MEGF6: variants seen among roughly 807,000 people sequenced by gnomAD.
MEGF6 encodes multiple EGF like domains 6.
Under a neutral mutation model 207.1 loss-of-function variants are expected in MEGF6, and 184 were observed. The ratio of observed to expected loss-of-function variants is 0.89; its 90% confidence interval spans 0.79 to 1.00. MEGF6 has a LOEUF of 1.00. MEGF6 is among the 50% of genes least tolerant of loss of function. The pLI, the probability that MEGF6 is intolerant of heterozygous loss-of-function variation, is 0.00. For missense variants in MEGF6, 2,282 were observed against 2,202.9 expected, an observed-to-expected ratio of 1.04 and a Z score of -0.72; for synonymous variants, 1,038 against 910.0, an observed-to-expected ratio of 1.14 and a Z score of -2.53.
chr1:3,537,508 G>A (rs1642369295), intron 4 of MEGF6, among the ~76,000 whole-genome samples: 1 of 152,246 alleles, frequency 6.6e-6, no homozygotes, highest in African/African-American at 2.4e-5. Context: ...TGCCAGGCCA[G>A]GGGTGCTCCT....
At chr1:3,538,141 C>G (rs1209948381) in intron 4 of MEGF6, among the ~76,000 whole-genome samples, 1 of 152,246 alleles carries the variant, frequency 6.6e-6, no homozygotes, top group Non-Finnish European at 1.5e-5. Flanking sequence ...GCACGTGGAT[C>G]TGCCTGGCGG....
intron 3 of MEGF6, among the ~76,000 whole-genome samples, chr1:3,584,535 CAGA>C (rs1422263284): frequency 1.3e-5 from 2 of 152,216 alleles, no homozygotes; most frequent in African/African-American, 4.8e-5. Context: ...CAGAACCTTC[CAGA>C]AGAAGGAGCT....
At chr1:3,621,582 A>G in the MEGF6 span, among the ~76,000 whole-genome samples, 1 of 152,228 alleles carries the variant, frequency 6.6e-6, no homozygotes, top group Non-Finnish European at 1.5e-5. Context: ...ATATCTTATT[A>G]CACCGGAACA....
At chr1:3,613,156 C>T (rs954857491), upstream of MEGF6, among the ~76,000 whole-genome samples, 2 of 152,240 alleles carry the variant, frequency 1.3e-5, no homozygotes, top group African/African-American at 4.8e-5. Context: ...ATGCTCCAAA[C>T]ACTGCCCTAC....
At chr1:3,547,748 C>T (rs545703869) in intron 4 of MEGF6, among the ~76,000 whole-genome samples, 14 of 152,298 alleles carry the variant, frequency 9.2e-5, no homozygotes, top group East Asian at 5.8e-4. Flanking sequence ...TGCCCTAGCC[C>T]GCCCTCCGTC....
rs370711447 is a variant in MEGF6, at chr1:3,500,741, G to A, written c.2599C>T (p.Pro867Ser). 2.5e-6 allele frequency: 4 copies of A among 1,603,242 alleles called. No individual in the cohort carries two copies. The highest frequency in any genetic ancestry group is 3.4e-6 in the Non-Finnish European group (4 of 1,175,604). ...CAGTTGCAGGGGTGGCTGCAGTCAG[G>A]TCCCCAGTGCCCAGTATCACAGGCT... The part of the protein sequence containing the change: ...QRACDTGHWG[P>S]DCSHPCNCSA... Residue 867 changes from proline to serine, a missense_variant, in exon 21 of 37, where the codon CCT (proline) becomes TCT (serine). Pro to Ser is a moderately conservative substitution (Grantham distance 74). Transcript: ENST00000356575.
chr1:3,520,811 C>A (rs1240389742), intron 5 of MEGF6, among the ~76,000 whole-genome samples: 2 of 152,182 alleles, frequency 1.3e-5, no homozygotes, highest in African/African-American at 4.8e-5. Flanking sequence ...CCTTTCCTGG[C>A]CTCTCTCTGC....
At chr1:3,566,866 C>T (rs935369065) in intron 4 of MEGF6, among the ~76,000 whole-genome samples, 2 of 152,206 alleles carry the variant, frequency 1.3e-5, no homozygotes, top group Non-Finnish European at 2.9e-5. Flanking sequence ...TGCCTCTCTC[C>T]TCCAGCCTCA....
At chr1:3,576,712 T>C in intron 4 of MEGF6, among the ~76,000 whole-genome samples, 1 of 137,694 alleles carries the variant, frequency 7.3e-6, no homozygotes. Context: ...TCCTGTACAC[T>C]CAGTCCTGCA....
chr1:3,503,296 C>A (rs978818277), intron 17 of MEGF6, among the ~76,000 whole-genome samples: 3 of 152,200 alleles, frequency 2.0e-5, no homozygotes, highest in African/African-American at 7.2e-5. Flanking sequence ...CGTCAGGGAA[C>A]CCCCCTCCAC....
intron 4 of MEGF6, among the ~76,000 whole-genome samples, chr1:3,567,267 C>T (rs886889787): frequency 1.1e-4 from 16 of 152,214 alleles, no homozygotes; most frequent in Admixed American, 4.6e-4. Flanking sequence ...CGCTTCCTCC[C>T]TTCCTACCCG....
At chr1:3,545,470 T>G (rs1642671616) in intron 4 of MEGF6, among the ~76,000 whole-genome samples, 1 of 152,062 alleles carries the variant, frequency 6.6e-6, no homozygotes, top group Non-Finnish European at 1.5e-5. Context: ...CTCCAACGTG[T>G]GGAGGTGGCC....
intron 4 of MEGF6, among the ~76,000 whole-genome samples, chr1:3,537,231 G>A (rs1428922955): frequency 2.0e-5 from 3 of 152,242 alleles, no homozygotes; most frequent in Admixed American, 6.5e-5. Flanking sequence ...CTCCTCAGCG[G>A]GCAATCTCCC....
At chr1:3,591,844 C>T (rs1401734609) in intron 3 of MEGF6, among the ~76,000 whole-genome samples, 3 of 105,360 alleles carry the variant, frequency 2.8e-5, no homozygotes, top group African/African-American at 1.1e-4. Context: ...ACCAAGGTCT[C>T]GTAGCTCACA....
chr1:3,529,961 C>T (rs1190642318), intron 4 of MEGF6, among the ~76,000 whole-genome samples: 1 of 152,254 alleles, frequency 6.6e-6, no homozygotes, highest in African/African-American at 2.4e-5. Context: ...GTCCTCACCC[C>T]CAGGGAGCAC....
chr1:3,510,377 C>A (rs1370011298), intron 10 of MEGF6, among the ~76,000 whole-genome samples: 4 of 121,392 alleles, frequency 3.3e-5, no homozygotes, highest in Non-Finnish European at 1.7e-5. Context: ...ACGCAGCAGG[C>A]GCTCAACCAA....
rs779216206 is a variant in MEGF6, at chr1:3,509,898, C to G, written c.1329G>C (p.Arg443=). ...TGCAGCCCCTACGGTCCTCGTGCAG[C>G]CGGTAGCCGGCCTCGCAGGAGCACT... ...SFQCSCEAGY[R]LHEDRRGCSP... is the part of the protein sequence containing the mutation. The change falls in exon 11 of 37, where the codon CGG becomes CGC. Residue 443 remains arginine, a synonymous_variant. Coordinates refer to ENST00000356575, the MANE Select transcript of MEGF6 (RefSeq NM_001409.4). The G allele has an allele frequency of 9.0e-6, 14 of 1,560,094 alleles. No individual in the cohort carries two copies. The highest frequency in any genetic ancestry group is 1.0e-5 in the Non-Finnish European group (12 of 1,155,090).
Position 3,524,375 on chromosome 1 carries a change from C to G in MEGF6, c.482-129G>C. The stretch of plus-strand genomic sequence containing the variant: ...GCCTCGAGGGCACCACCCATGAGCC[C>G]CTCACCCACATCTGCCGGAGACGCA... On this transcript the variant is annotated intron_variant, in intron 4 of 36. Transcript: ENST00000356575. The G allele has an allele frequency of 2.5e-6, 3 of 1,203,034 alleles. 1 individual carries two copies. The South Asian group carries it at 4.4e-5, about 18-fold the overall frequency. The allele number at this position is 1,203,034 out of a possible 1,614,324, so 74.5% of individuals were successfully genotyped here.
In MEGF6 at chr1:3,565,887, A is replaced by T. The variant is rs1468857125; in HGVS notation, c.481+13938T>A. Among the ~76,000 whole-genome samples the T allele has an allele frequency of 1.3e-5, 2 of 151,844 alleles. No homozygotes were observed. The highest frequency in any genetic ancestry group is 2.9e-5 in the Non-Finnish European group (2 of 67,898). Reference sequence around the variant, plus strand: ...GACCCTGACACCCAGCGGCACAGGGACTCTCATGGGGTGCAGTGGGGATCC... The same window carrying T: ...GACCCTGACACCCAGCGGCACAGGGTCTCTCATGGGGTGCAGTGGGGATCC... On this transcript the variant is annotated intron_variant, in intron 4 of 36. Coordinates refer to ENST00000356575, the MANE Select transcript of MEGF6 (RefSeq NM_001409.4). The surrounding 1 kb of genome is among the most constrained non-coding windows in gnomAD (Gnocchi z 4.8).
Sources: gnomAD v4.1 joint callset for allele counts (sites outside exome capture counted in the v4.1 genomes callset) on GRCh38, gnomAD v4.1.1 for gene constraint, Gnocchi (gnomAD v3.1) non-coding constraint, MANE v1.5 for transcripts, NCBI Gene and HGNC (gene_info 2026-07-23, HGNC 2026-07-21) for gene names.